INSC: variants seen among roughly 807,000 people sequenced by gnomAD.
INSC encodes INSC spindle orientation adaptor protein.
In INSC, 67 loss-of-function variants were observed where a neutral mutation model predicts 58.6. The observed-to-expected ratio is 1.14, with a 90% CI of 0.94 to 1.40. INSC has a LOEUF of 1.40. INSC is among the 40% of genes most tolerant of loss of function. INSC has a pLI of 0.00. For missense variants in INSC, 714 were observed against 692.0 expected, an observed-to-expected ratio of 1.03 and a Z score of -0.36; for synonymous variants, 262 against 276.1, an observed-to-expected ratio of 0.95 and a Z score of 0.51.
At chr11:15,187,787 CT>C (rs1850025653) in intron 5 of INSC, among the ~76,000 whole-genome samples, 2 of 152,096 alleles carry the variant, frequency 1.3e-5, no homozygotes, top group Non-Finnish European at 2.9e-5. Flanking sequence ...TCTTCTTTTA[CT>C]TTTTTTCAGT....
intron 1 of INSC, among the ~76,000 whole-genome samples, chr11:15,133,451 A>G (rs1331562419): frequency 2.0e-5 from 3 of 152,226 alleles, no homozygotes; most frequent in Non-Finnish European, 4.4e-5. Context: ...CTGTCCCCAC[A>G]ACAGATAATG....
intron 2 of INSC, among the ~76,000 whole-genome samples, chr11:15,157,017 A>C (rs192896662): frequency 6.6e-5 from 10 of 152,290 alleles, no homozygotes; most frequent in Admixed American, 3.9e-4. Flanking sequence ...AGTCTGCCAG[A>C]CTTCAGAAAG....
At chr11:15,241,895 T>C (rs998186476) in intron 12 of INSC, among the ~76,000 whole-genome samples, 1 of 152,178 alleles carries the variant, frequency 6.6e-6, no homozygotes, top group African/African-American at 2.4e-5. Flanking sequence ...CCATAAATGG[T>C]ATTTGAAAAT....
the INSC span, among the ~76,000 whole-genome samples, chr11:15,268,479 G>C: frequency 6.6e-6 from 1 of 152,044 alleles, no homozygotes; most frequent in East Asian, 1.9e-4. Context: ...ATCATTAACT[G>C]TTTTCATGCT....
chr11:15,192,674 G>A (rs1450623600), intron 6 of INSC, among the ~76,000 whole-genome samples: 1 of 152,196 alleles, frequency 6.6e-6, no homozygotes, highest in African/African-American at 2.4e-5. Context: ...TTCAACTTTG[G>A]TAGGGGTTTC....
chr11:15,181,326 A>T (rs989409300), intron 5 of INSC, among the ~76,000 whole-genome samples: 26 of 152,242 alleles, frequency 1.7e-4, no homozygotes, highest in African/African-American at 6.3e-4. Context: ...TTCTTCTGAG[A>T]TGCTGGTGTT....
intron 5 of INSC, among the ~76,000 whole-genome samples, chr11:15,185,387 G>A (rs1275674247): frequency 6.6e-6 from 1 of 151,854 alleles, no homozygotes; most frequent in Non-Finnish European, 1.5e-5. Context: ...ATGATAAAAA[G>A]CCTCATTCAT....
At chr11:15,152,750 G>T (rs117186290) in intron 2 of INSC, among the ~76,000 whole-genome samples, 1 of 152,172 alleles carries the variant, frequency 6.6e-6, no homozygotes, top group Non-Finnish European at 1.5e-5. Flanking sequence ...AACATCTGGA[G>T]GGCCTGAAAG....
chr11:15,228,532 C>A (rs1346738526), intron 9 of INSC, among the ~76,000 whole-genome samples: 1 of 152,174 alleles, frequency 6.6e-6, no homozygotes, highest in African/African-American at 2.4e-5. Context: ...ATTAAAGAAA[C>A]AAATGGCTCT....
intron 1 of INSC, among the ~76,000 whole-genome samples, chr11:15,134,991 ACTTT>A (rs1174585047): frequency 2.6e-5 from 4 of 152,074 alleles, no homozygotes; most frequent in African/African-American, 9.7e-5. Context: ...AGACCTTACC[ACTTT>A]CTTTATTCCT....
chr11:15,242,757 T>C (rs1852404505), intron 12 of INSC, among the ~76,000 whole-genome samples: 1 of 152,202 alleles, frequency 6.6e-6, no homozygotes, highest in Non-Finnish European at 1.5e-5. Flanking sequence ...CTCTCTGTGG[T>C]GCAAAGCCAG....
At chr11:15,241,296 A>G (rs976600714) in intron 12 of INSC, among the ~76,000 whole-genome samples, 1 of 152,174 alleles carries the variant, frequency 6.6e-6, no homozygotes, top group Non-Finnish European at 1.5e-5. Context: ...TGTTCAAAGA[A>G]CATAAGGGGG....
chr11:15,133,140 T>C (rs982548645), intron 1 of INSC, among the ~76,000 whole-genome samples: 1 of 152,170 alleles, frequency 6.6e-6, no homozygotes, highest in African/African-American at 2.4e-5. Flanking sequence ...TATGATGAAA[T>C]ACTTGTTAGA....
upstream of INSC, among the ~76,000 whole-genome samples, chr11:15,113,143 T>TTCTTTTTTTCTTTCTTTCTTTCTTTCTC: frequency 1.0e-5 from 1 of 98,642 alleles, no homozygotes; most frequent in African/African-American, 3.5e-5. Flanking sequence ...CTTTCTTTCT[T>TTCTTTTTTTCTTTCTTTCTTTCTTTCTC]TCTGTCTCTC....
intron 5 of INSC, among the ~76,000 whole-genome samples, chr11:15,189,346 AATTGTT>A (rs1282807651): frequency 6.6e-6 from 1 of 151,966 alleles, no homozygotes; most frequent in Non-Finnish European, 1.5e-5. Context: ...AAAAGATAGA[AATTGTT>A]ATTTACACCA....
intron 8 of INSC, among the ~76,000 whole-genome samples, chr11:15,224,269 A>G (rs895093678): frequency 1.3e-5 from 2 of 152,230 alleles, no homozygotes; most frequent in African/African-American, 2.4e-5. Flanking sequence ...AATGTGGACA[A>G]TCATTTTCTA....
At chr11:15,268,285 T>C in the INSC span, among the ~76,000 whole-genome samples, 1 of 152,068 alleles carries the variant, frequency 6.6e-6, no homozygotes, top group African/African-American at 2.4e-5. Flanking sequence ...GTTGCCCTTC[T>C]ATTAATTACA....
At chr11:15,179,747 G>A (rs1207777445) in intron 5 of INSC, among the ~76,000 whole-genome samples, 1 of 152,258 alleles carries the variant, frequency 6.6e-6, no homozygotes, top group Admixed American at 6.5e-5. Flanking sequence ...ATCACATGCA[G>A]GGGCAGGTGG....
chr11:15,269,355 A>G, the INSC span, among the ~76,000 whole-genome samples: 11 of 151,934 alleles, frequency 7.2e-5, no homozygotes, highest in African/African-American at 2.7e-4. Flanking sequence ...TTGAGATACT[A>G]TTGCCTCTTT....
Sources: allele counts gnomAD v4.1 joint callset (sites outside exome capture counted in the v4.1 genomes callset), GRCh38; gene constraint gnomAD v4.1.1; transcripts MANE v1.5; gene names NCBI Gene and HGNC (gene_info 2026-07-23, HGNC 2026-07-21).